The following LAIR1 variants were observed in gnomAD, a reference collection of about 807,000 sequenced individuals.
LAIR1 encodes leukocyte-associated immunoglobulin-like receptor 1.
LAIR1 carries 24 observed loss-of-function variants against 32.8 expected under a neutral mutation model. The observed-to-expected ratio is 0.73, with a 90% CI of 0.53 to 1.03. LAIR1 has a LOEUF of 1.03. Among genes scored for constraint, LAIR1 ranks in the 50% least tolerant of loss-of-function variants. The probability of loss-of-function intolerance (pLI) is 0.00; values close to 1 mark genes in which losing one functional copy is unlikely to be tolerated. For synonymous variants in LAIR1, 150 were observed against 140.5 expected (o/e 1.07, Z -0.48); for missense variants, 355 against 347.5 (o/e 1.02, Z -0.17).
chr19:54,352,394 G>A lies in LAIR1; in HGVS notation c.*2874C>T, dbSNP rs2081548837. ...GTGCTTGGGGGCCCGTGCAGCAGGA[G>A]GGACATCTTCTCCGCACAGCAATGT... On this transcript the variant is annotated 3_prime_UTR_variant, in exon 10 of 10. Transcript: ENST00000391742. 6.5e-6 allele frequency: 1 copy of A among 153,790 alleles called. No homozygotes were observed. Among genetic ancestry groups the A allele is most frequent in the Non-Finnish European group, 1.5e-5 (1 of 68,112 alleles). 9.5% of individuals were successfully genotyped at this position (153,790 alleles called of 1,614,324 possible). A position where few individuals can be genotyped will look rare whatever the true frequency, so the allele number is the denominator to read the frequency against.
upstream of LAIR1, among the ~76,000 whole-genome samples, chr19:54,372,012 G>T (rs187974863): frequency 6.7e-4 from 102 of 151,632 alleles, 8 homozygotes; most frequent in African/African-American, 2.4e-3. Context: ...ATATTCCATT[G>T]TCTGGACACA....
chr19:54,356,734 A>G (rs2081734282), intron 5 of LAIR1, 115 bp from the exon 6 acceptor site: 1 of 1,239,684 alleles, frequency 8.1e-7, no homozygotes, highest in East Asian at 2.4e-5. Context: ...TATCTTAGGT[A>G]AATAATAGTC....
intron 4 of LAIR1, among the ~76,000 whole-genome samples, chr19:54,359,256 G>C (rs1191256479): frequency 6.6e-6 from 1 of 151,858 alleles, no homozygotes; most frequent in Non-Finnish European, 1.5e-5. Flanking sequence ...GCCGCGAATG[G>C]CTTATGACCC....
upstream of LAIR1, among the ~76,000 whole-genome samples, chr19:54,375,427 G>A (rs184017571): frequency 2.2e-4 from 33 of 152,194 alleles, no homozygotes; most frequent in South Asian, 2.1e-4. Flanking sequence ...TTCTTACCAC[G>A]TATCTCCCAG....
Position 54,355,445 on chromosome 19 carries a change from G to C in LAIR1, c.718-31C>G. On this transcript the variant is annotated intron_variant, in intron 9 of 9. Transcript: ENST00000391742. This position sits in a 1 kb window ranked among gnomAD's most constrained non-coding sequence, Gnocchi z 4.7. ...AGGGAGAGACCCAGGGTGAGGGAGT[G>C]CCTGGTGGAGGGTGAGACGAGGGGC... The C allele has an allele frequency of 1.3e-6, 2 of 1,563,250 alleles. No homozygotes were observed. The highest frequency in any genetic ancestry group is 1.7e-6 in the Non-Finnish European group (2 of 1,155,054).
intron 4 of LAIR1, chr19:54,357,957 A>C (rs2081804530): frequency 6.7e-6 from 1 of 150,078 alleles, no homozygotes. Flanking sequence ...GCAATATTAC[A>C]GTTTTTATAT....
intron 4 of LAIR1, chr19:54,357,327 G>A (rs1469590461): frequency 1.4e-5 from 3 of 217,502 alleles, no homozygotes; most frequent in South Asian, 1.3e-4. Flanking sequence ...AGTAGACATC[G>A]CTAATTTCTG....
upstream of LAIR1, chr19:54,365,053 T>A (rs1381995086): frequency 5.7e-6 from 8 of 1,401,750 alleles, no homozygotes; most frequent in African/African-American, 1.5e-5. Context: ...TAGAGGCAGA[T>A]GACCGTAAAC....
At chr19:54,365,024 G>T (rs1259228191), upstream of LAIR1, 20 of 1,426,378 alleles carry the variant, frequency 1.4e-5, no homozygotes, top group Non-Finnish European at 1.6e-5. Context: ...GAAAAATGTC[G>T]CTTACCCTAA....
chr19:54,366,629 C>T (rs551657727), upstream of LAIR1, among the ~76,000 whole-genome samples: 1 of 152,216 alleles, frequency 6.6e-6, no homozygotes, highest in South Asian at 2.1e-4. Context: ...GCTGGGACTA[C>T]AGGCACCCAC....
chr19:54,356,435 T>C (rs2081711418), intron 6 of LAIR1, 37 bp from the exon 7 acceptor site: 1 of 1,609,734 alleles, frequency 6.2e-7, no homozygotes, highest in Non-Finnish European at 8.5e-7. Flanking sequence ...GGAGACCTTC[T>C]TCCTAGCCTC....
chr19:54,367,977 T>A (rs1362334922), upstream of LAIR1, among the ~76,000 whole-genome samples: 1 of 151,466 alleles, frequency 6.6e-6, no homozygotes, highest in African/African-American at 2.4e-5. Flanking sequence ...TTTCACCTTG[T>A]TAGCCAGGAT....
upstream of LAIR1, chr19:54,364,970 C>T (rs2082204683): frequency 6.6e-7 from 1 of 1,510,070 alleles, no homozygotes; most frequent in Non-Finnish European, 8.8e-7. This position sits in a 1 kb window ranked among gnomAD's most constrained non-coding sequence, Gnocchi z 4.8. Flanking sequence ...CCTGTTCTTT[C>T]CACCCTTCCC....
chr19:54,358,388 T>C lies in LAIR1; in HGVS notation c.416-1422A>G, dbSNP rs1346726745. On this transcript the variant is annotated intron_variant, in intron 4 of 9. Coordinates refer to ENST00000391742, the MANE Select transcript of LAIR1 (RefSeq NM_002287.6). Reference sequence around the variant, plus strand: ...ATAATTATCTTCCTTATATATATAATATATATATAATATATATATATATTA... The same window carrying C: ...ATAATTATCTTCCTTATATATATAACATATATATAATATATATATATATTA... 5 of 121,354 alleles carry C rather than the reference T, an allele frequency of 4.1e-5. 1 individual carries two copies. Among genetic ancestry groups the C allele is most frequent in the Non-Finnish European group, 6.6e-5 (5 of 75,594 alleles). 7.5% of individuals were successfully genotyped at this position (121,354 alleles called of 1,614,324 possible).
upstream of LAIR1, chr19:54,365,146 G>A (rs141522390): frequency 0.02 from 19,345 of 944,448 alleles, 417 homozygotes; most frequent in Admixed American, 0.11. Context: ...CTTGGACGCC[G>A]TCCCAACTCC....
upstream of LAIR1, chr19:54,368,085 T>C (rs2082311374): frequency 6.6e-6 from 1 of 152,116 alleles, no homozygotes; most frequent in Non-Finnish European, 1.5e-5. Context: ...TTTTTTGTAA[T>C]GCCTAAGAGA....
At chr19:54,365,107 G>A, upstream of LAIR1, 2 of 1,229,996 alleles carry the variant, frequency 1.6e-6, no homozygotes, top group African/African-American at 3.1e-5. Context: ...TATGGGACAA[G>A]GCAGAATAAA....
intron 1 of LAIR1, among the ~76,000 whole-genome samples, chr19:54,370,001 G>A (rs1279476091): frequency 4.8e-5 from 7 of 147,310 alleles, no homozygotes; most frequent in African/African-American, 1.3e-4. Context: ...GTGTCGTTCC[G>A]TCCAATCTAA....
At chr19:54,367,270 A>C (rs1220682171), upstream of LAIR1, among the ~76,000 whole-genome samples, 1 of 152,202 alleles carries the variant, frequency 6.6e-6, no homozygotes, top group Non-Finnish European at 1.5e-5. Context: ...AATGATCACA[A>C]ACTTGGATCT....
Sources: gnomAD v4.1 joint callset for allele counts (sites outside exome capture counted in the v4.1 genomes callset) on GRCh38, gnomAD v4.1.1 for gene constraint, Gnocchi (gnomAD v3.1) non-coding constraint, MANE v1.5 for transcripts, NCBI Gene and HGNC (gene_info 2026-07-23, HGNC 2026-07-21) for gene names.